Variants in TRABD2B observed in about 807,000 individuals in gnomAD.
The protein encoded by TRABD2B is TraB domain containing 2B.
Under a neutral mutation model 40.1 loss-of-function variants are expected in TRABD2B, and 14 were observed. The ratio of observed to expected loss-of-function variants is 0.35; its 90% CI spans 0.23 to 0.55. The LOEUF is 0.55. TRABD2B is among the 20% of genes least tolerant of loss of function. The pLI is 0.90. For missense variants in TRABD2B, 541 were observed against 648.6 expected (o/e 0.83, Z 1.80); for synonymous variants, 263 against 277.0 (o/e 0.95, Z 0.50).
intron 2 of TRABD2B, among the ~76,000 whole-genome samples, chr1:47,850,754 C>T (rs183500695): frequency 5.9e-5 from 9 of 152,334 alleles, no homozygotes; most frequent in African/African-American, 2.2e-4. Context: ...GCCCACTCTC[C>T]GCCTCCTCTG....
intron 2 of TRABD2B, among the ~76,000 whole-genome samples, chr1:47,938,369 G>A (rs139378738): frequency 8.6e-4 from 131 of 152,266 alleles, no homozygotes; most frequent in Middle Eastern, 3.4e-3. Context: ...CTGGAGTATG[G>A]CCATCTACAA....
chr1:47,796,789 T>A (rs1270470830), intron 3 of TRABD2B, among the ~76,000 whole-genome samples: 2 of 152,204 alleles, frequency 1.3e-5, no homozygotes, highest in Non-Finnish European at 2.9e-5. Context: ...CTTCCCTACA[T>A]ACCCCCTTTG....
rs970939875 is a variant in TRABD2B at position 47,888,518 on chromosome 1, C to T, written c.667-86899G>A. ...CAAAAAAGCACCAGTCACCTGCCATCGCTACCTCCTGTCCCTTCTTCAGAT... is the reference window on the plus strand; with the variant it reads ...CAAAAAAGCACCAGTCACCTGCCATTGCTACCTCCTGTCCCTTCTTCAGAT... On this transcript the variant is annotated intron_variant, in intron 2 of 6. Coordinates refer to ENST00000606738, the MANE Select transcript of TRABD2B (RefSeq NM_001194986.2). 3.9e-5 allele frequency among the ~76,000 whole-genome samples: 6 copies of T among 152,314 alleles called. No homozygotes were observed. In the South Asian group the frequency reaches 1.2e-3, roughly 32 times the overall value.
chr1:47,895,385 T>G (rs150504568), intron 2 of TRABD2B, among the ~76,000 whole-genome samples: 1 of 152,140 alleles, frequency 6.6e-6, no homozygotes, highest in Non-Finnish European at 1.5e-5. Context: ...GAGGGAAGCA[T>G]GTACACTTCC....
intron 2 of TRABD2B, among the ~76,000 whole-genome samples, chr1:47,806,999 G>T (rs938287053): frequency 2.6e-5 from 4 of 152,196 alleles, no homozygotes; most frequent in African/African-American, 9.7e-5. Context: ...CTGAGCACCA[G>T]GCATTGTTCT....
At chr1:47,979,107 C>G (rs1645803591) in intron 2 of TRABD2B, among the ~76,000 whole-genome samples, 1 of 152,146 alleles carries the variant, frequency 6.6e-6, no homozygotes, top group Non-Finnish European at 1.5e-5. Context: ...GCCAAAGCAC[C>G]CAAGGACTGC....
intron 2 of TRABD2B, among the ~76,000 whole-genome samples, chr1:47,963,539 AG>A (rs1394315452): frequency 3.9e-5 from 6 of 152,252 alleles, no homozygotes; most frequent in African/African-American, 9.6e-5. Context: ...AGAATTTTGA[AG>A]GTCAGGGAAA....
At chr1:47,907,989 T>C (rs1644700785) in intron 2 of TRABD2B, among the ~76,000 whole-genome samples, 1 of 152,276 alleles carries the variant, frequency 6.6e-6, no homozygotes, top group South Asian at 2.1e-4. Flanking sequence ...CGTATTTCTT[T>C]TCTTTTCTCA....
intron 2 of TRABD2B, among the ~76,000 whole-genome samples, chr1:47,842,840 A>G (rs1349652367): frequency 6.6e-6 from 1 of 152,148 alleles, no homozygotes; most frequent in Non-Finnish European, 1.5e-5. Flanking sequence ...GGGTGGTGAT[A>G]ACCCCTGTGG....
At chr1:47,879,576 T>A (rs914204140) in intron 2 of TRABD2B, among the ~76,000 whole-genome samples, 1 of 152,260 alleles carries the variant, frequency 6.6e-6, no homozygotes, top group Non-Finnish European at 1.5e-5. Context: ...TGTCATTAAG[T>A]CATGCATGAC....
intron 2 of TRABD2B, among the ~76,000 whole-genome samples, chr1:47,864,688 C>T (rs1022646523): frequency 1.3e-5 from 2 of 152,034 alleles, no homozygotes; most frequent in Non-Finnish European, 2.9e-5. Context: ...TTCCTGGGAG[C>T]CTCTTCCAAA....
chr1:47,969,524 G>C (rs1466232926), intron 2 of TRABD2B, among the ~76,000 whole-genome samples: 1 of 152,094 alleles, frequency 6.6e-6, no homozygotes, highest in Non-Finnish European at 1.5e-5. Context: ...AAAAAGGCTG[G>C]GAGAGGTCCA....
chr1:47,977,389 A>G (rs1396014799), intron 2 of TRABD2B, among the ~76,000 whole-genome samples: 1 of 152,100 alleles, frequency 6.6e-6, no homozygotes, highest in Non-Finnish European at 1.5e-5. Flanking sequence ...TCCATTTTTA[A>G]TATGTGAGTT....
At chr1:47,866,133 G>A (rs756025030) in intron 2 of TRABD2B, among the ~76,000 whole-genome samples, 8 of 152,116 alleles carry the variant, frequency 5.3e-5, no homozygotes, top group Non-Finnish European at 8.8e-5. Flanking sequence ...GGTGAGCCCT[G>A]TCCATGTGCT....
chr1:47,791,643 A>C (rs909202656), intron 4 of TRABD2B, among the ~76,000 whole-genome samples: 3 of 152,124 alleles, frequency 2.0e-5, no homozygotes, highest in Non-Finnish European at 4.4e-5. Context: ...TGGAGCGGGT[A>C]TGTCTTCAGG....
Position 47,960,775 on chromosome 1 carries a change from G to A in TRABD2B, c.666+33259C>T, listed in dbSNP as rs1645501563. Among the ~76,000 whole-genome samples, 3 of 152,200 alleles carry A rather than the reference G, an allele frequency of 2.0e-5. No individual in the cohort carries two copies. The South Asian group carries it at 6.2e-4, about 32-fold the overall frequency. On this transcript the variant is annotated intron_variant, in intron 2 of 6. Coordinates refer to ENST00000606738, the MANE Select transcript of TRABD2B (RefSeq NM_001194986.2). The stretch of plus-strand genomic sequence containing the variant: ...TAGGAAGAATCAATATCGTGAAAAT[G>A]GCCATACTGCCCAAGGTAATTTATA...
intron 5 of TRABD2B, among the ~76,000 whole-genome samples, chr1:47,777,299 C>T (rs1228441043): frequency 6.6e-6 from 1 of 152,226 alleles, no homozygotes; most frequent in Non-Finnish European, 1.5e-5. Flanking sequence ...CAAACACATG[C>T]TTGCCCCTGG....
chr1:47,926,340 C>T (rs1644968837), intron 2 of TRABD2B, among the ~76,000 whole-genome samples: 2 of 152,170 alleles, frequency 1.3e-5, no homozygotes, highest in Non-Finnish European at 2.9e-5. Context: ...ATAGTGCGTT[C>T]TATTGCACTG....
chr1:47,876,339 G>C (rs1644225660), intron 2 of TRABD2B, among the ~76,000 whole-genome samples: 1 of 152,192 alleles, frequency 6.6e-6, no homozygotes, highest in Non-Finnish European at 1.5e-5. Flanking sequence ...TGACTTGAGA[G>C]AACAAAGCAC....
Sources: allele counts gnomAD v4.1 joint callset (sites outside exome capture counted in the v4.1 genomes callset), GRCh38; gene constraint gnomAD v4.1.1; transcripts MANE v1.5; gene names NCBI Gene and HGNC (gene_info 2026-07-23, HGNC 2026-07-21).